RELN: variants seen among roughly 807,000 people sequenced by gnomAD.
RELN encodes reelin.
In RELN, 108 loss-of-function variants were observed where a neutral mutation model predicts 427.6. That is an observed-to-expected ratio of 0.25 (90% CI 0.22 to 0.30). The LOEUF is 0.30. Among genes scored for constraint, RELN ranks in the 10% least tolerant of loss-of-function variants. The probability of loss-of-function intolerance (pLI) is 1.00; values close to 1 mark genes in which losing one functional copy is unlikely to be tolerated. For synonymous variants in RELN, 1,524 were observed against 1,513.4 expected, an observed-to-expected ratio of 1.01 and a Z score of -0.16; for missense variants, 3,715 against 4,302.8, an observed-to-expected ratio of 0.86 and a Z score of 3.82.
intron 64 of RELN, among the ~76,000 whole-genome samples, chr7:103,476,395 G>A (rs1490056077): frequency 1.3e-5 from 2 of 152,128 alleles, no homozygotes; most frequent in Non-Finnish European, 2.9e-5. Context: ...CAGGAGAATT[G>A]CTTGAACCTG....
intron 1 of RELN, among the ~76,000 whole-genome samples, chr7:103,941,272 A>G (rs142537979): frequency 3.3e-5 from 5 of 152,330 alleles, no homozygotes; most frequent in African/African-American, 1.2e-4. Context: ...TAAATCCCAA[A>G]TCCTCCTGTG....
chr7:103,651,661 C>T lies in RELN; in HGVS notation c.1892G>A (p.Gly631Glu), dbSNP rs398124190. ...STVYSSENYSGWNRITIPLPN... is the reference protein window; with the variant it reads ...STVYSSENYSEWNRITIPLPN... ...AATATCTCAGAGAGAATGTACTCAC[C>T]CACTGTAGTTTTCAGAGGAGTAGAC... is the stretch of plus-strand genomic sequence containing the variant. The change falls in exon 15 of 65, where the codon GGG becomes GAG. Residue 631 changes from glycine to glutamate, a missense_variant and splice_region_variant. Transcript: ENST00000428762. The T allele has an allele frequency of 3.7e-6, 6 of 1,610,788 alleles. No individual in the cohort carries two copies. The highest frequency in any genetic ancestry group is 5.1e-6 in the Non-Finnish European group (6 of 1,177,814).
intron 1 of RELN, among the ~76,000 whole-genome samples, chr7:103,939,259 A>G (rs1388069920): frequency 1.3e-5 from 2 of 152,124 alleles, no homozygotes; most frequent in Non-Finnish European, 2.9e-5. Context: ...ATACAGTTTT[A>G]TAAGCTTTTA....
chr7:103,767,798 C>G (rs946365242), intron 4 of RELN, among the ~76,000 whole-genome samples: 5 of 152,182 alleles, frequency 3.3e-5, no homozygotes, highest in African/African-American at 1.2e-4. Flanking sequence ...TGGGCTAACT[C>G]CTTTATCCCC....
At chr7:103,831,984 TCA>T (rs1429804133) in intron 3 of RELN, among the ~76,000 whole-genome samples, 1 of 152,158 alleles carries the variant, frequency 6.6e-6, no homozygotes, top group Non-Finnish European at 1.5e-5. Flanking sequence ...AAATGTTCAC[TCA>T]CTTATAAAAA....
intron 4 of RELN, among the ~76,000 whole-genome samples, chr7:103,769,710 G>A (rs542916312): frequency 6.6e-6 from 1 of 152,252 alleles, no homozygotes; most frequent in African/African-American, 2.4e-5. Context: ...TCTGGGCCTT[G>A]GTGTCCTCCT....
chr7:103,612,038 G>T (rs921619207), intron 20 of RELN, among the ~76,000 whole-genome samples: 4 of 151,998 alleles, frequency 2.6e-5, no homozygotes, highest in African/African-American at 9.7e-5. Context: ...CTAAAATTGG[G>T]TACCCACTCA....
chr7:103,904,975 CTTTTTTTTTTTTT>C (rs67024941), intron 2 of RELN, among the ~76,000 whole-genome samples: 26 of 77,328 alleles, frequency 3.4e-4, no homozygotes, highest in Non-Finnish European at 5.3e-4. Flanking sequence ...AAGTTCTTTC[CTTTTTTTTTTTTT>C]TTTTTTTTTT....
intron 46 of RELN, among the ~76,000 whole-genome samples, chr7:103,532,301 G>A (rs1052209223): frequency 1.3e-5 from 2 of 152,164 alleles, no homozygotes; most frequent in African/African-American, 4.8e-5. Flanking sequence ...GGAAAGTGGG[G>A]AGTGGGAGGA....
At chr7:103,920,847 T>G (rs1795602724) in intron 1 of RELN, among the ~76,000 whole-genome samples, 2 of 152,326 alleles carry the variant, frequency 1.3e-5, no homozygotes, top group East Asian at 1.9e-4. Flanking sequence ...ATGCTGGGAT[T>G]ACAGGCATGA....
Position 103,483,796 on chromosome 7 carries a change from G to C in RELN, c.10038C>G (p.Asn3346Lys). The change falls in exon 62 of 65, where the codon AAC becomes AAG. Residue 3346 changes from asparagine to lysine, a missense_variant. Physicochemically the swap from Asn to Lys is moderately conservative, Grantham distance 94. Coordinates refer to ENST00000428762, the MANE Select transcript of RELN (RefSeq NM_005045.4). ...IGSMSQTDSC[N>K]SDLSGPHAVD... ...CAGCGTGGGGGCCACTCAGGTCACT[G>C]TTGCAGCTGTCCGTCTGCGACATGC... is the stretch of plus-strand genomic sequence containing the variant. The C allele has an allele frequency of 2.5e-6, 4 of 1,614,086 alleles. No individual in the cohort carries two copies. The highest frequency in any genetic ancestry group is 3.4e-6 in the Non-Finnish European group (4 of 1,179,914).
At chr7:103,906,456 C>A (rs140859652) in intron 2 of RELN, among the ~76,000 whole-genome samples, 1 of 152,046 alleles carries the variant, frequency 6.6e-6, no homozygotes, top group Non-Finnish European at 1.5e-5. Context: ...TTCTTAGAAT[C>A]CCCAAATATC....
At position 103,874,630 on chromosome 7, in the gene RELN, C is replaced by T. The variant is rs1421923782; in HGVS notation, c.338-40958G>A. Among the ~76,000 whole-genome samples, 3 of 146,406 alleles carry T rather than the reference C, an allele frequency of 2.0e-5. 1 individual carries two copies. The highest frequency in any genetic ancestry group is 4.5e-5 in the Non-Finnish European group (3 of 65,986). On this transcript the variant is annotated intron_variant, in intron 2 of 64. Transcript: ENST00000428762. The stretch of plus-strand genomic sequence containing the variant: ...CAATTGCTTCAAAGAGAATAAAATA[C>T]CTAGGAATCCAACTTACAAGGGATG...
intron 31 of RELN, 136 bp from the exon 32 acceptor site, chr7:103,566,895 G>T: frequency 2.4e-6 from 2 of 816,590 alleles, no homozygotes; most frequent in Non-Finnish European, 4.1e-6. Context: ...AACTTCCAAG[G>T]AATGAATTAG....
At chr7:103,952,571 T>TCTCTCC (rs1302773347) in intron 1 of RELN, among the ~76,000 whole-genome samples, 3 of 151,960 alleles carry the variant, frequency 2.0e-5, no homozygotes, top group African/African-American at 7.3e-5. Context: ...TCTCTCTCTC[T>TCTCTCC]CTGGATATAA....
At chr7:103,721,967 C>T (rs1790087182) in intron 8 of RELN, among the ~76,000 whole-genome samples, 1 of 152,102 alleles carries the variant, frequency 6.6e-6, no homozygotes, top group South Asian at 2.1e-4. Context: ...GTGTTTGCTA[C>T]AGAACAGGAT....
intron 53 of RELN, 120 bp downstream of exon 53, chr7:103,500,625 G>C: frequency 3.2e-6 from 3 of 939,344 alleles, no homozygotes; most frequent in Non-Finnish European, 4.9e-6. Context: ...TCTATTCAAA[G>C]GATTTTCTTT....
intron 1 of RELN, among the ~76,000 whole-genome samples, chr7:103,962,903 A>G (rs1796587473): frequency 6.6e-6 from 1 of 152,208 alleles, no homozygotes; most frequent in Non-Finnish European, 1.5e-5. Flanking sequence ...TAGGGTAAAC[A>G]TAAGGTAATA....
intron 1 of RELN, among the ~76,000 whole-genome samples, chr7:103,956,406 C>T (rs142626826): frequency 6.6e-4 from 101 of 152,292 alleles, no homozygotes; most frequent in African/African-American, 2.3e-3. Context: ...AAAGAAAAGA[C>T]CAGGATAAAC....
Sources: allele counts gnomAD v4.1 joint callset (sites outside exome capture counted in the v4.1 genomes callset), GRCh38; gene constraint gnomAD v4.1.1; transcripts MANE v1.5; gene names NCBI Gene and HGNC (gene_info 2026-07-23, HGNC 2026-07-21).